EIPR1: variants seen among roughly 807,000 people sequenced by gnomAD.
EIPR1 encodes EARP complex and GARP complex interacting protein 1.
In EIPR1, 25 loss-of-function variants were observed where a neutral mutation model predicts 48.1. That is an observed-to-expected ratio of 0.52 (90% CI 0.38 to 0.73). EIPR1 has a LOEUF of 0.73. Among genes scored for constraint, EIPR1 ranks in the 30% least tolerant of loss-of-function variants. The pLI is 0.00. For missense variants in EIPR1, 415 were observed against 506.2 expected (o/e 0.82, Z 1.73); for synonymous variants, 204 against 201.9 (o/e 1.01, Z -0.09).
intron 4 of EIPR1, 45 bp downstream of exon 4, chr2:3,257,254 A>C (rs759073470): frequency 1.3e-5 from 21 of 1,577,670 alleles, no homozygotes; most frequent in Non-Finnish European, 1.2e-5. Flanking sequence ...GCACCTGGCC[A>C]ACCTGCAGGC....
chr2:3,295,690 C>CG (rs1572408163), intron 3 of EIPR1, among the ~76,000 whole-genome samples: 1 of 131,064 alleles, frequency 7.6e-6, no homozygotes. Context: ...CCATGCAGCC[C>CG]TCCTCTCTCT....
At chr2:3,195,012 C>T (rs1292332238) in intron 6 of EIPR1, among the ~76,000 whole-genome samples, 3 of 152,250 alleles carry the variant, frequency 2.0e-5, no homozygotes, top group Non-Finnish European at 4.4e-5. Context: ...TGTATGTACA[C>T]ACACATGCAC....
At chr2:3,267,566 C>G (rs1667529235) in intron 3 of EIPR1, among the ~76,000 whole-genome samples, 1 of 152,234 alleles carries the variant, frequency 6.6e-6, no homozygotes, top group African/African-American at 2.4e-5. Flanking sequence ...GCCCTGGCTT[C>G]TGATATAAAG....
rs772906872 is a variant in EIPR1, at chr2:3,214,266, A to G, written c.417-18T>C. On this transcript the variant is annotated intron_variant, in intron 4 of 8. Coordinates refer to ENST00000382125, the MANE Select transcript of EIPR1 (RefSeq NM_003310.5). ...ACACGACACTAAGAGAAAGAGAAGT[A>G]CCAAATGTTAACATAAACATTTGAG... 6 of 1,608,992 alleles carry G rather than the reference A, an allele frequency of 3.7e-6. No homozygotes were observed. In the Admixed American group the frequency reaches 8.4e-5, roughly 22 times the overall value.
intron 2 of EIPR1, among the ~76,000 whole-genome samples, chr2:3,338,915 G>A (rs975787921): frequency 6.6e-6 from 1 of 152,120 alleles, no homozygotes; most frequent in Non-Finnish European, 1.5e-5. Context: ...TTTGTACTAA[G>A]AAAATATTCA....
Position 3,341,117 on chromosome 2 carries a change from A to C in EIPR1, c.127-2968T>G, listed in dbSNP as rs1333244841. On this transcript the variant is annotated intron_variant, in intron 2 of 8. Transcript: ENST00000382125. ...TCTCAAAAAAAAAAAAAAAAAAAAA[A>C]AAACAAAACAAAACTCCACAATAGA... is the stretch of plus-strand genomic sequence containing the variant. Among the ~76,000 whole-genome samples, 21 of 113,906 alleles carry C rather than the reference A, an allele frequency of 1.8e-4. No homozygotes were observed. In the East Asian group the frequency reaches 4.4e-3, roughly 24 times the overall value. The allele number at this position is 113,906 out of a possible 152,430, so 74.7% of individuals were successfully genotyped here. A position where few individuals can be genotyped will look rare whatever the true frequency, so the allele number is the denominator to read the frequency against.
At chr2:3,218,433 C>T (rs1335420348) in intron 4 of EIPR1, among the ~76,000 whole-genome samples, 1 of 149,076 alleles carries the variant, frequency 6.7e-6, no homozygotes, top group Non-Finnish European at 1.5e-5. Flanking sequence ...GTCAGGTGCA[C>T]ACCCAACACG....
rs1217269481 is a variant in EIPR1, at chr2:3,269,486, G to A, written c.260-12031C>T. On this transcript the variant is annotated intron_variant, in intron 3 of 8. Transcript: ENST00000382125. ...CACTCAGTCATCGCACTCAGTCATC[G>A]CACTCAATCATCGCACTCAATCATC... Among the ~76,000 whole-genome samples, 12 of 137,738 alleles carry A rather than the reference G, an allele frequency of 8.7e-5. 1 individual carries two copies. Among genetic ancestry groups the A allele is most frequent in the African/African-American group, 3.1e-4 (11 of 35,806 alleles). The allele number at this position is 137,738 out of a possible 152,430, so 90.4% of individuals were successfully genotyped here.
rs974123305 is a variant in EIPR1 at position 3,272,614 on chromosome 2, C to T, written c.260-15159G>A. Among the ~76,000 whole-genome samples, 2 of 152,158 alleles carry T rather than the reference C, an allele frequency of 1.3e-5. 1 individual carries two copies. The highest frequency in any genetic ancestry group is 4.2e-4 in the South Asian group (2 of 4,814). On this transcript the variant is annotated intron_variant, in intron 3 of 8. Transcript: ENST00000382125. ...GATTCACTTTGCCATCTTACATGGG[C>T]ATGGTTCGTGGAGCCCCAAAACAAT...
At chr2:3,196,172 AG>A (rs1276597627) in intron 6 of EIPR1, among the ~76,000 whole-genome samples, 19 of 152,344 alleles carry the variant, frequency 1.2e-4, no homozygotes, top group Admixed American at 9.1e-4. Flanking sequence ...GAGTTTTCAG[AG>A]GGGCCTTGGA....
chr2:3,370,998 G>C (rs987792184), intron 1 of EIPR1, among the ~76,000 whole-genome samples: 6 of 152,302 alleles, frequency 3.9e-5, no homozygotes, highest in African/African-American at 1.4e-4. Flanking sequence ...GAAAGGTCGG[G>C]TTACCCACAA....
intron 3 of EIPR1, among the ~76,000 whole-genome samples, chr2:3,331,284 T>C (rs536958233): frequency 2.5e-5 from 2 of 80,862 alleles, no homozygotes. Context: ...CAGAGGCAGG[T>C]GTGTATACAC....
At position 3,214,188 on chromosome 2, in the gene EIPR1, GAT is replaced by G. The variant is rs1558227572; in HGVS notation, c.475_476del (p.Ile159ProfsTer38). 1.2e-6 allele frequency: 2 copies of G among 1,613,682 alleles called. No homozygotes were observed. Among genetic ancestry groups the G allele is most frequent in the Non-Finnish European group, 1.7e-6 (2 of 1,179,822 alleles). On this transcript the variant is annotated frameshift_variant, in exon 5 of 9. Coordinates refer to ENST00000382125, the MANE Select transcript of EIPR1 (RefSeq NM_003310.5). LOFTEE classifies it high-confidence loss of function. The part of the protein sequence containing the change: ...KKIISLADNH[I>X]LLWDLQESSS... ...AGCTTTCCTGTAAATCCCACAGCAGGATATGGTTATCAGCCAAGGAAATGATT... is the reference window on the plus strand; with the variant it reads ...AGCTTTCCTGTAAATCCCACAGCAGGATGGTTATCAGCCAAGGAAATGATT...
intron 3 of EIPR1, among the ~76,000 whole-genome samples, chr2:3,310,462 G>A (rs1298681326): frequency 1.4e-5 from 2 of 141,564 alleles, no homozygotes; most frequent in Admixed American, 6.8e-5. Context: ...GACCATCCTG[G>A]CTAAAACGGT....
chr2:3,299,622 TCTCACACACACA>T (rs895506530), intron 3 of EIPR1, among the ~76,000 whole-genome samples: 4 of 141,046 alleles, frequency 2.8e-5, no homozygotes, highest in Admixed American at 1.4e-4. Flanking sequence ...TCTCTCTCTC[TCTCACACACACA>T]CACACACACA....
intron 3 of EIPR1, among the ~76,000 whole-genome samples, chr2:3,307,372 C>T (rs1348645784): frequency 6.6e-6 from 1 of 152,206 alleles, no homozygotes; most frequent in Non-Finnish European, 1.5e-5. Flanking sequence ...GTCTCCCGGC[C>T]CCAAGCCAGA....
intron 3 of EIPR1, among the ~76,000 whole-genome samples, chr2:3,285,637 C>G (rs1668160158): frequency 6.6e-6 from 1 of 152,218 alleles, no homozygotes. Context: ...GAGTTACTAA[C>G]ACATGGAGCA....
At chr2:3,238,852 G>A (rs545536319) in intron 4 of EIPR1, among the ~76,000 whole-genome samples, 6 of 152,300 alleles carry the variant, frequency 3.9e-5, no homozygotes, top group African/African-American at 9.6e-5. Context: ...GGGCCCTCCG[G>A]CTCCTTACAT....
chr2:3,374,645 G>C lies in EIPR1; in HGVS notation c.42+3003C>G, dbSNP rs1271617155. On this transcript the variant is annotated intron_variant, in intron 1 of 8. Coordinates refer to ENST00000382125, the MANE Select transcript of EIPR1 (RefSeq NM_003310.5). ...CATGAAAAAATGCTCATCATCACTG[G>C]CCATCAGAGAAATGCAAATCAAAAC... 2.0e-5 allele frequency among the ~76,000 whole-genome samples: 3 copies of C among 151,456 alleles called. No individual in the cohort carries two copies. The South Asian group carries it at 6.2e-4, about 32-fold the overall frequency.
Sources: gnomAD v4.1 joint callset for allele counts (sites outside exome capture counted in the v4.1 genomes callset) on GRCh38, gnomAD v4.1.1 for gene constraint, MANE v1.5 for transcripts, NCBI Gene and HGNC (gene_info 2026-07-23, HGNC 2026-07-21) for gene names.